SYNPO2: variants seen among roughly 807,000 people sequenced by gnomAD.
SYNPO2 encodes the protein synaptopodin-2.
A neutral mutation model predicts 85.0 loss-of-function variants in SYNPO2; 56 were observed. The observed-to-expected ratio is 0.66, with a 90% CI of 0.53 to 0.82. The LOEUF (loss-of-function observed/expected upper bound fraction) is 0.82, where lower values mean the gene tolerates loss of function less well. SYNPO2 is among the 40% of genes least tolerant of loss of function. The pLI is 0.00. For missense variants in SYNPO2, 1,575 were observed against 1,534.2 expected (o/e 1.03, Z -0.44); for synonymous variants, 602 against 591.1 (o/e 1.02, Z -0.27).
intron 1 of SYNPO2, among the ~76,000 whole-genome samples, chr4:118,873,795 T>G (rs527447751): frequency 6.6e-6 from 1 of 152,182 alleles, no homozygotes; most frequent in African/African-American, 2.4e-5. Flanking sequence ...AGAGTTTTTT[T>G]CTAGGTTTTC....
intron 1 of SYNPO2, among the ~76,000 whole-genome samples, chr4:118,867,910 T>C (rs1731729465): frequency 6.6e-6 from 1 of 152,142 alleles, no homozygotes; most frequent in Non-Finnish European, 1.5e-5. Flanking sequence ...TCAGTTTCAA[T>C]GATCATTATC....
intron 1 of SYNPO2, among the ~76,000 whole-genome samples, chr4:118,921,550 C>T (rs952830532): frequency 1.3e-5 from 2 of 151,822 alleles, no homozygotes; most frequent in Non-Finnish European, 2.9e-5. Context: ...GACTTTGAGC[C>T]CAGCCTGGGA....
At chr4:118,941,949 G>T (rs776498316) in intron 1 of SYNPO2, among the ~76,000 whole-genome samples, 41 of 152,176 alleles carry the variant, frequency 2.7e-4, no homozygotes, top group Non-Finnish European at 5.7e-4. Context: ...CAGGCTTTGG[G>T]ACATAGGAGC....
intron 1 of SYNPO2, among the ~76,000 whole-genome samples, chr4:118,912,751 T>C (rs561717171): frequency 3.9e-5 from 6 of 152,126 alleles, no homozygotes; most frequent in Non-Finnish European, 5.9e-5. Flanking sequence ...ACCAACTAGA[T>C]AGTAGTTCAG....
Position 119,026,874 on chromosome 4 carries a change from C to T in SYNPO2, c.505C>T (p.Gln169Ter). 6.2e-7 allele frequency: 1 copy of T among 1,614,110 alleles called. No individual in the cohort carries two copies. The highest frequency in any genetic ancestry group is 8.5e-7 in the Non-Finnish European group (1 of 1,180,012). The change falls in exon 3 of 5, where the codon CAA (glutamine) becomes TAA (stop). Residue 169 changes from glutamine to a stop codon, truncating the protein, a stop_gained. Coordinates refer to ENST00000307142, the MANE Select transcript of SYNPO2 (RefSeq NM_133477.3). LOFTEE classifies it high-confidence loss of function. Reference sequence around the variant, plus strand: ...AGGCCCGAGCTACCAAAGGGCTCCCCAAATGCCTGACTCCCAAAGAGGACG... The same window carrying T: ...AGGCCCGAGCTACCAAAGGGCTCCCTAAATGCCTGACTCCCAAAGAGGACG... ...ETGPSYQRAP[Q>*]MPDSQRGRVA...
intron 1 of SYNPO2, among the ~76,000 whole-genome samples, chr4:119,012,324 TG>T (rs961377162): frequency 2.0e-5 from 3 of 151,998 alleles, no homozygotes; most frequent in African/African-American, 7.2e-5. Flanking sequence ...AATTGGTTGT[TG>T]GTTTTAGTCT....
chr4:118,997,238 T>TAAAAAAAAAAAAAA (rs1374179177), intron 1 of SYNPO2, among the ~76,000 whole-genome samples: 1 of 49,776 alleles, frequency 2.0e-5, no homozygotes, highest in Non-Finnish European at 3.9e-5. Flanking sequence ...AGACTCCGTC[T>TAAAAAAAAAAAAAA]CAAAAAAAAA....
chr4:118,933,829 G>GTTTTTTTTTTTTTTTTTTTTTTTTT (rs71595334), intron 1 of SYNPO2, among the ~76,000 whole-genome samples: 2 of 102,316 alleles, frequency 2.0e-5, no homozygotes, highest in Non-Finnish European at 3.8e-5. Flanking sequence ...TGTTGTTGTT[G>GTTTTTTTTTTTTTTTTTTTTTTTTT]TTTTTTTTTT....
chr4:118,941,757 C>T (rs936689486), intron 1 of SYNPO2, among the ~76,000 whole-genome samples: 1 of 152,178 alleles, frequency 6.6e-6, no homozygotes, highest in African/African-American at 2.4e-5. Flanking sequence ...TTATGACTTA[C>T]ATTTCCCGAA....
chr4:118,898,973 T>C (rs190814012), intron 1 of SYNPO2, among the ~76,000 whole-genome samples: 25 of 152,340 alleles, frequency 1.6e-4, no homozygotes, highest in African/African-American at 6.0e-4. Flanking sequence ...ACCCTGGAAA[T>C]CTCTGTTAAA....
intron 1 of SYNPO2, among the ~76,000 whole-genome samples, chr4:118,918,161 TTC>T (rs1419683902): frequency 7.2e-5 from 11 of 152,338 alleles, no homozygotes; most frequent in Non-Finnish European, 5.9e-5. Flanking sequence ...AAACTGAAAG[TTC>T]TTTTTTTAAA....
At chr4:118,863,088 C>G (rs964944118) in intron 1 of SYNPO2, among the ~76,000 whole-genome samples, 18 of 152,302 alleles carry the variant, frequency 1.2e-4, no homozygotes, top group Non-Finnish European at 1.5e-5. Context: ...GGATTATAGG[C>G]GTGAGCCCCT....
chr4:119,017,684 G>C (rs954935983), intron 1 of SYNPO2, among the ~76,000 whole-genome samples: 9 of 152,254 alleles, frequency 5.9e-5, no homozygotes, highest in Non-Finnish European at 1.3e-4. Flanking sequence ...GCAAATGTAT[G>C]CTAATTTTCT....
At chr4:119,050,170 A>T (rs1220187195) in intron 4 of SYNPO2, among the ~76,000 whole-genome samples, 4 of 152,080 alleles carry the variant, frequency 2.6e-5, no homozygotes, top group Non-Finnish European at 5.9e-5. Context: ...CATCTCTACT[A>T]AAAGTACAAA....
At chr4:118,988,955 A>T (rs764833046) in intron 1 of SYNPO2, among the ~76,000 whole-genome samples, 9 of 152,184 alleles carry the variant, frequency 5.9e-5, no homozygotes, top group Non-Finnish European at 1.2e-4. Context: ...ACTGGTACTT[A>T]TGGTGACCAA....
chr4:118,879,196 G>A (rs115020901), intron 1 of SYNPO2, among the ~76,000 whole-genome samples: 9 of 152,102 alleles, frequency 5.9e-5, no homozygotes, highest in South Asian at 2.1e-4. Flanking sequence ...CTTTAAGAAC[G>A]GTAACACTCA....
At chr4:119,025,836 T>A (rs369825823) in intron 2 of SYNPO2, among the ~76,000 whole-genome samples, 14 of 152,322 alleles carry the variant, frequency 9.2e-5, no homozygotes, top group East Asian at 7.7e-4. Context: ...ACATTGCTTC[T>A]TCTCAGAAAC....
intron 4 of SYNPO2, chr4:119,037,203 C>A: frequency 6.5e-7 from 1 of 1,529,842 alleles, no homozygotes; most frequent in South Asian, 1.3e-5. Flanking sequence ...TGATAATACT[C>A]AAAATAACAA....
At chr4:119,036,682 C>T (rs1244545124) in intron 4 of SYNPO2, 2 of 985,460 alleles carry the variant, frequency 2.0e-6, no homozygotes, top group Non-Finnish European at 2.4e-6. Context: ...TCTGGAGAAG[C>T]CCTTGAATCA....
Sources: gnomAD v4.1 joint callset for allele counts (sites outside exome capture counted in the v4.1 genomes callset) on GRCh38, gnomAD v4.1.1 for gene constraint, MANE v1.5 for transcripts, NCBI Gene and HGNC (gene_info 2026-07-23, HGNC 2026-07-21) for gene names.